The following ARSB variants were observed in gnomAD, a reference collection of about 807,000 sequenced individuals.
ARSB encodes the protein N-acetylgalactosamine-4-sulfatase.
A neutral mutation model predicts 50.9 loss-of-function variants in ARSB; 41 were observed. That is an observed-to-expected ratio of 0.81 (90% CI 0.63 to 1.04). The LOEUF is 1.04. Ranked by LOEUF, ARSB falls within the 50% of genes least tolerant of loss-of-function variation. The pLI, the probability that ARSB is intolerant of heterozygous loss-of-function variation, is 0.00. For missense variants in ARSB, 672 were observed against 693.3 expected (o/e 0.97, Z 0.35); for synonymous variants, 269 against 284.8 (o/e 0.94, Z 0.56).
chr5:78,940,691 T>A (rs1258633166), intron 4 of ARSB, among the ~76,000 whole-genome samples: 2 of 152,232 alleles, frequency 1.3e-5, no homozygotes, highest in African/African-American at 2.4e-5. Context: ...ACTGTAGCCT[T>A]GTAGCATAGT....
At chr5:78,790,178 T>C (rs1749197799) in intron 6 of ARSB, among the ~76,000 whole-genome samples, 1 of 152,142 alleles carries the variant, frequency 6.6e-6, no homozygotes, top group Admixed American at 6.5e-5. Context: ...GCTGTATCAT[T>C]GAAGTGGCAT....
intron 5 of ARSB, among the ~76,000 whole-genome samples, chr5:78,875,810 G>C (rs1478187230): frequency 6.6e-6 from 1 of 152,020 alleles, no homozygotes; most frequent in Admixed American, 6.6e-5. Context: ...TGGGACTACA[G>C]GTGTGTGCCA....
At chr5:78,872,911 G>C (rs1581075762) in intron 5 of ARSB, among the ~76,000 whole-genome samples, 1 of 151,402 alleles carries the variant, frequency 6.6e-6, no homozygotes, top group East Asian at 1.9e-4. Context: ...TGAAGTAAAT[G>C]AAAGTGTCCA....
At chr5:78,806,397 T>C (rs1174844129) in intron 6 of ARSB, among the ~76,000 whole-genome samples, 1 of 152,250 alleles carries the variant, frequency 6.6e-6, no homozygotes, top group Non-Finnish European at 1.5e-5. Context: ...ATCTTTCATA[T>C]GAACAACCAT....
At chr5:78,929,908 AACTG>A (rs1459665908) in intron 4 of ARSB, among the ~76,000 whole-genome samples, 1 of 152,176 alleles carries the variant, frequency 6.6e-6, no homozygotes, top group East Asian at 1.9e-4. Context: ...TATGCTTGTT[AACTG>A]ACTAATTTCT....
In ARSB at chr5:78,969,011, T is replaced by C; in HGVS notation, c.494A>G (p.Tyr165Cys). 1 of 1,614,148 alleles carries C rather than the reference T, an allele frequency of 6.2e-7. No individual in the cohort carries two copies. The highest frequency in any genetic ancestry group is 8.5e-7 in the Non-Finnish European group (1 of 1,180,016). ...CLPTRRGFDT[Y>C]FGYLLGSEDY... ...AACATGTGCATTTCCATTACCAAAG[T>C]AGGTATCAAATCCTCGGCGGGTTGG... The change falls in exon 2 of 8, where the codon TAC becomes TGC. Residue 165 changes from tyrosine to cysteine, a missense_variant. Coordinates refer to ENST00000264914, the MANE Select transcript of ARSB (RefSeq NM_000046.5).
At chr5:78,953,647 T>C (rs1751579879) in intron 4 of ARSB, among the ~76,000 whole-genome samples, 1 of 152,192 alleles carries the variant, frequency 6.6e-6, no homozygotes, top group Non-Finnish European at 1.5e-5. Flanking sequence ...CATGTTACAG[T>C]AAAACTCACC....
chr5:78,852,327 G>C (rs1383227456), intron 5 of ARSB, among the ~76,000 whole-genome samples: 1 of 152,068 alleles, frequency 6.6e-6, no homozygotes, highest in Non-Finnish European at 1.5e-5. Context: ...GCTTAGTTTG[G>C]CTGGATATGA....
chr5:78,877,335 T>C (rs1230845646), intron 5 of ARSB, among the ~76,000 whole-genome samples: 1 of 152,208 alleles, frequency 6.6e-6, no homozygotes, highest in Admixed American at 6.5e-5. Context: ...GATCAAACTG[T>C]TTCCAAATAA....
At chr5:78,950,179 C>T (rs987458168) in intron 4 of ARSB, among the ~76,000 whole-genome samples, 1 of 152,182 alleles carries the variant, frequency 6.6e-6, no homozygotes, top group African/African-American at 2.4e-5. Context: ...GCCACTAGTG[C>T]TGCTTCTCTG....
chr5:78,826,078 G>A (rs180967646), intron 6 of ARSB, among the ~76,000 whole-genome samples: 223 of 147,534 alleles, frequency 1.5e-3, no homozygotes, highest in Non-Finnish European at 2.3e-3. Flanking sequence ...ATGGAGTCTC[G>A]CTCTGTTGCC....
chr5:78,982,389 A>T (rs1248247910), intron 1 of ARSB, among the ~76,000 whole-genome samples: 1 of 152,258 alleles, frequency 6.6e-6, no homozygotes, highest in Non-Finnish European at 1.5e-5. Context: ...TGATGGGTTG[A>T]TTCTTTACCT....
chr5:78,920,204 A>G (rs951182015), intron 4 of ARSB, among the ~76,000 whole-genome samples: 1 of 152,192 alleles, frequency 6.6e-6, no homozygotes, highest in African/African-American at 2.4e-5. Flanking sequence ...TTTCATTCAG[A>G]TGCTCTTGTC....
At chr5:78,918,277 T>A (rs1348078495) in intron 4 of ARSB, among the ~76,000 whole-genome samples, 1 of 152,236 alleles carries the variant, frequency 6.6e-6, no homozygotes, top group East Asian at 1.9e-4. Context: ...CAACACATTG[T>A]GAGGTTTTTT....
At chr5:78,963,159 A>C (rs966694734) in intron 3 of ARSB, among the ~76,000 whole-genome samples, 6 of 152,122 alleles carry the variant, frequency 3.9e-5, no homozygotes, top group African/African-American at 1.4e-4. Context: ...TGGTTGTTAG[A>C]AAGAGCCTGG....
At chr5:78,839,221 A>G in intron 6 of ARSB, 135 bp downstream of exon 6, 8 of 796,312 alleles carry the variant, frequency 1.0e-5, no homozygotes, top group Non-Finnish European at 1.7e-5. Context: ...TGAGCGGGAG[A>G]TATGTCCCGA....
intron 4 of ARSB, among the ~76,000 whole-genome samples, chr5:78,931,199 G>A (rs1232006155): frequency 1.3e-5 from 2 of 152,184 alleles, no homozygotes; most frequent in African/African-American, 4.8e-5. Flanking sequence ...AAATGGGAAA[G>A]TATTAGTCTG....
intron 6 of ARSB, among the ~76,000 whole-genome samples, chr5:78,821,436 C>T (rs895138798): frequency 6.6e-6 from 1 of 152,150 alleles, no homozygotes; most frequent in African/African-American, 2.4e-5. Flanking sequence ...CTGCACTGGG[C>T]CAATTTTGGT....
At chr5:78,880,430 C>A (rs895648384) in intron 5 of ARSB, among the ~76,000 whole-genome samples, 2 of 152,178 alleles carry the variant, frequency 1.3e-5, no homozygotes, top group African/African-American at 4.8e-5. Flanking sequence ...TTTGATTCCA[C>A]ATGCTATTAT....
Sources: gnomAD v4.1 joint callset for allele counts (sites outside exome capture counted in the v4.1 genomes callset) on GRCh38, gnomAD v4.1.1 for gene constraint, MANE v1.5 for transcripts, NCBI Gene and HGNC (gene_info 2026-07-23, HGNC 2026-07-21) for gene names.